PRKG1: variants seen among roughly 807,000 people sequenced by gnomAD.
The protein encoded by PRKG1 is protein kinase cGMP-dependent 1.
In PRKG1, 35 loss-of-function variants were observed where a neutral mutation model predicts 88.1. That is an observed-to-expected ratio of 0.40 (90% CI 0.30 to 0.53). The LOEUF is 0.53. Among genes scored for constraint, PRKG1 ranks in the 20% least tolerant of loss-of-function variants. The pLI is 0.59. For missense variants in PRKG1, 540 were observed against 839.8 expected, an observed-to-expected ratio of 0.64 and a Z score of 4.41; for synonymous variants, 303 against 292.5, an observed-to-expected ratio of 1.04 and a Z score of -0.37.
chr10:51,987,959 T>G (rs1462364812), intron 5 of PRKG1, among the ~76,000 whole-genome samples: 1 of 152,094 alleles, frequency 6.6e-6, no homozygotes, highest in Non-Finnish European at 1.5e-5. Context: ...ATTTAACTGT[T>G]GTTAACTTTA....
At chr10:51,278,166 G>T (rs1267778774) in intron 2 of PRKG1, among the ~76,000 whole-genome samples, 1 of 152,140 alleles carries the variant, frequency 6.6e-6, no homozygotes, top group Non-Finnish European at 1.5e-5. Context: ...AGCATGAAGG[G>T]CTGTTGAATT....
intron 3 of PRKG1, among the ~76,000 whole-genome samples, chr10:51,482,553 C>A (rs1242586148): frequency 6.6e-6 from 1 of 152,142 alleles, no homozygotes; most frequent in Non-Finnish European, 1.5e-5. Flanking sequence ...GGCTTCTAGT[C>A]TTTTCCCCCT....
At chr10:51,849,652 C>T (rs1840493249) in intron 4 of PRKG1, among the ~76,000 whole-genome samples, 1 of 152,102 alleles carries the variant, frequency 6.6e-6, no homozygotes, top group African/African-American at 2.4e-5. Context: ...TTTCTCCAAA[C>T]AATTGAATTT....
At chr10:51,289,982 A>G (rs1840540972) in intron 2 of PRKG1, among the ~76,000 whole-genome samples, 2 of 152,128 alleles carry the variant, frequency 1.3e-5, no homozygotes, top group Admixed American at 6.6e-5. Context: ...TTGCAGGTTC[A>G]GTTTTTGACT....
At chr10:51,466,240 C>G (rs533108370) in intron 2 of PRKG1, among the ~76,000 whole-genome samples, 1 of 151,938 alleles carries the variant, frequency 6.6e-6, no homozygotes, top group African/African-American at 2.4e-5. Flanking sequence ...ATGAATTTAC[C>G]GGACTGATTT....
intron 5 of PRKG1, among the ~76,000 whole-genome samples, chr10:52,043,744 C>T (rs1423519828): frequency 6.6e-6 from 1 of 151,448 alleles, no homozygotes; most frequent in African/African-American, 2.4e-5. Context: ...GCTAATTACC[C>T]TGATTTGAAC....
intron 3 of PRKG1, among the ~76,000 whole-genome samples, chr10:51,548,806 C>A (rs1842507100): frequency 6.6e-6 from 1 of 152,080 alleles, no homozygotes; most frequent in Non-Finnish European, 1.5e-5. Context: ...TCTCCAGAGG[C>A]TCAGTCCTTT....
intron 1 of PRKG1, among the ~76,000 whole-genome samples, chr10:51,002,158 A>G (rs1204278449): frequency 6.6e-6 from 1 of 152,072 alleles, no homozygotes; most frequent in Non-Finnish European, 1.5e-5. Context: ...AAACAGAGAA[A>G]TAATGGAAAA....
chr10:51,408,496 T>C (rs945285956), intron 2 of PRKG1, among the ~76,000 whole-genome samples: 1 of 152,232 alleles, frequency 6.6e-6, no homozygotes, highest in African/African-American at 2.4e-5. Context: ...AACCCATGCC[T>C]GGAGTAAGTA....
rs190765265 is a variant in PRKG1, at chr10:51,544,646, T to G, written c.592+76810T>G. ...GAATTGCCACACTGTCTTCCACAAT[T>G]GTTGAACTAGTTTACAGTCCCACCA... On this transcript the variant is annotated intron_variant, in intron 3 of 17. Transcript: ENST00000373980. 2.4e-3 allele frequency among the ~76,000 whole-genome samples: 369 copies of G among 152,150 alleles called. 2 individuals carry two copies. Among genetic ancestry groups the G allele is most frequent in the African/African-American group, 8.1e-3 (337 of 41,512 alleles).
chr10:51,817,349 C>G (rs536518060), intron 4 of PRKG1, among the ~76,000 whole-genome samples: 32,748 of 142,700 alleles, frequency 0.23, 6,081 homozygotes, highest in African/African-American at 0.51. Flanking sequence ...CCTCCCCAAC[C>G]CCCCCCCTCC....
chr10:51,406,036 A>G (rs975594866), intron 2 of PRKG1, among the ~76,000 whole-genome samples: 1 of 152,144 alleles, frequency 6.6e-6, no homozygotes, highest in African/African-American at 2.4e-5. Context: ...CCTGTTGATC[A>G]GGATTCTACC....
chr10:51,148,583 A>G lies in PRKG1; in HGVS notation c.312-4581A>G, dbSNP rs1350025686. ...GAGGGCGAAACTGATCTAAAACATG[A>G]GTGAAAGTAGAGAGTGGGCACACTT... On this transcript the variant is annotated intron_variant, in intron 1 of 17. Coordinates refer to ENST00000373980, the MANE Select transcript of PRKG1 (RefSeq NM_006258.4). Among the ~76,000 whole-genome samples, 5 of 152,054 alleles carry G rather than the reference A, an allele frequency of 3.3e-5. No individual in the cohort carries two copies. In the East Asian group the frequency reaches 9.6e-4, roughly 29 times the overall value.
rs764100007 is a variant in PRKG1, at chr10:51,804,630, A to C, written c.638A>C (p.Gln213Pro). The change falls in exon 4 of 18, where the codon CAA becomes CCA. Residue 213 changes from glutamine to proline, a missense_variant. Transcript: ENST00000373980. ...TGGGCCATTGATCGACAATGTTTTC[A>C]AACAATAATGATGAGGACAGGACTC... ...KLWAIDRQCF[Q>P]TIMMRTGLIK... 6.2e-7 allele frequency: 1 copy of C among 1,605,108 alleles called. No homozygotes were observed. Among genetic ancestry groups the C allele is most frequent in the Non-Finnish European group, 8.5e-7 (1 of 1,172,274 alleles).
chr10:51,866,828 T>C (rs1589372154), intron 4 of PRKG1, among the ~76,000 whole-genome samples: 1 of 152,322 alleles, frequency 6.6e-6, no homozygotes, highest in East Asian at 1.9e-4. Context: ...TTCTTTATAC[T>C]ACCAGGAAAT....
intron 7 of PRKG1, among the ~76,000 whole-genome samples, chr10:52,127,397 C>G (rs1343887085): frequency 3.9e-5 from 6 of 152,062 alleles, no homozygotes; most frequent in African/African-American, 1.4e-4. Flanking sequence ...TTGCAAGTCA[C>G]TCATGTAAAA....
intron 12 of PRKG1, among the ~76,000 whole-genome samples, chr10:52,279,236 C>T (rs1361908045): frequency 6.6e-6 from 1 of 152,116 alleles, no homozygotes; most frequent in Non-Finnish European, 1.5e-5. Context: ...AAAGATATCT[C>T]CAAGTCAGAG....
intron 1 of PRKG1, among the ~76,000 whole-genome samples, chr10:51,106,419 G>T (rs1844832792): frequency 6.6e-6 from 1 of 152,176 alleles, no homozygotes; most frequent in African/African-American, 2.4e-5. Flanking sequence ...ACGTGAGGAA[G>T]AATTCTTTTT....
At chr10:51,478,511 A>G (rs1022980677) in intron 3 of PRKG1, among the ~76,000 whole-genome samples, 1 of 152,122 alleles carries the variant, frequency 6.6e-6, no homozygotes, top group African/African-American at 2.4e-5. Flanking sequence ...ATAATTTTAT[A>G]TCCTTAATTT....
Sources: allele counts gnomAD v4.1 joint callset (sites outside exome capture counted in the v4.1 genomes callset), GRCh38; gene constraint gnomAD v4.1.1; transcripts MANE v1.5; gene names NCBI Gene and HGNC (gene_info 2026-07-23, HGNC 2026-07-21).